The following ANKRD45 variants were observed in gnomAD, a reference collection of about 807,000 sequenced individuals.
ANKRD45 encodes ankyrin repeat domain-containing protein 45.
In ANKRD45, 21 loss-of-function variants were observed where a neutral mutation model predicts 28.1. The observed-to-expected ratio is 0.75, with a 90% CI of 0.53 to 1.08. The LOEUF is 1.08. Ranked by LOEUF, ANKRD45 falls within the 50% of genes least tolerant of loss-of-function variation. The probability of loss-of-function intolerance (pLI) is 0.00; values close to 1 mark genes in which losing one functional copy is unlikely to be tolerated. For missense variants in ANKRD45, 261 were observed against 308.7 expected (o/e 0.85, Z 1.16); for synonymous variants, 86 against 103.9 (o/e 0.83, Z 1.05).
Position 173,610,024 on chromosome 1 carries a change from G to A in ANKRD45, c.*121C>T, listed in dbSNP as rs908114862. ...TGAACAGGTCAAACAAAACAAGGGC[G>A]ATGTAATGTTGTACTTAAATACTTA... On this transcript the variant is annotated 3_prime_UTR_variant, in exon 6 of 6. Transcript: ENST00000333279. 8 of 1,001,958 alleles carry A rather than the reference G, an allele frequency of 8.0e-6. No homozygotes were observed. Among genetic ancestry groups the A allele is most frequent in the Admixed American group, 2.1e-5 (1 of 48,040 alleles). 62.1% of individuals were successfully genotyped at this position (1,001,958 alleles called of 1,614,324 possible).
At chr1:173,691,674 CT>C in the ANKRD45 span, among the ~76,000 whole-genome samples, 1 of 152,104 alleles carries the variant, frequency 6.6e-6, no homozygotes, top group African/African-American at 2.4e-5. Context: ...GTAGTCCCAG[CT>C]ACTTGGGAGG....
chr1:173,680,116 C>T, the ANKRD45 span, among the ~76,000 whole-genome samples: 480 of 152,142 alleles, frequency 3.2e-3, 17 homozygotes, highest in East Asian at 0.068. Context: ...TCAACCATTG[C>T]GGAAGACAGT....
At chr1:173,677,722 A>G in the ANKRD45 span, among the ~76,000 whole-genome samples, 1 of 152,352 alleles carries the variant, frequency 6.6e-6, no homozygotes, top group East Asian at 1.9e-4. Flanking sequence ...TTAGTGTTAC[A>G]AGTACTTTAA....
intron 5 of ANKRD45, among the ~76,000 whole-genome samples, chr1:173,622,639 C>T (rs1342551177): frequency 6.6e-6 from 1 of 152,082 alleles, no homozygotes; most frequent in South Asian, 2.1e-4. Flanking sequence ...TTCCTTACAC[C>T]TTATACAAAA....
chr1:173,627,902 A>G (rs1156257181), intron 3 of ANKRD45, among the ~76,000 whole-genome samples: 3 of 151,750 alleles, frequency 2.0e-5, no homozygotes, highest in Non-Finnish European at 4.4e-5. Context: ...GCAAAAGTGA[A>G]TAAGACTTTG....
At chr1:173,678,044 T>G in the ANKRD45 span, among the ~76,000 whole-genome samples, 1 of 152,140 alleles carries the variant, frequency 6.6e-6, no homozygotes, top group Non-Finnish European at 1.5e-5. Flanking sequence ...GAGAGCTTTA[T>G]TATTTCATAC....
At chr1:173,684,975 C>T in the ANKRD45 span, among the ~76,000 whole-genome samples, 4 of 152,254 alleles carry the variant, frequency 2.6e-5, no homozygotes, top group Admixed American at 2.0e-4. Flanking sequence ...TCTGGTATTC[C>T]CTGTGGGACT....
the ANKRD45 span, among the ~76,000 whole-genome samples, chr1:173,698,129 A>G: frequency 2.0e-5 from 3 of 152,220 alleles, no homozygotes; most frequent in Non-Finnish European, 4.4e-5. Flanking sequence ...CTATACATAT[A>G]TATCTGCACC....
intron 5 of ANKRD45, among the ~76,000 whole-genome samples, chr1:173,619,762 A>G (rs1444629733): frequency 2.0e-5 from 3 of 151,854 alleles, no homozygotes; most frequent in Admixed American, 1.3e-4. Flanking sequence ...CAGGAGACGA[A>G]GTTTGCAGTA....
At position 173,611,576 on chromosome 1, in the gene ANKRD45, T is replaced by TACAC. The variant is rs57884253; in HGVS notation, c.731-1365_731-1362dup. Among the ~76,000 whole-genome samples, 828 of 133,914 alleles carry TACAC rather than the reference T, an allele frequency of 6.2e-3. 4 individuals are homozygous for TACAC. The highest frequency in any genetic ancestry group is 0.012 in the South Asian group (47 of 4,072). The allele number at this position is 133,914 out of a possible 152,430, so 87.9% of individuals were successfully genotyped here. A position where few individuals can be genotyped will look rare whatever the true frequency, so the allele number is the denominator to read the frequency against. On this transcript the variant is annotated intron_variant, in intron 5 of 5. Coordinates refer to ENST00000333279, the MANE Select transcript of ANKRD45 (RefSeq NM_198493.3). ...GGACCCCTATGGCCTAATACATACA[T>TACAC]ACACACACACACACACACACACACA...
chr1:173,612,307 G>GGAAA (rs1394427012), intron 5 of ANKRD45, among the ~76,000 whole-genome samples: 15 of 126,262 alleles, frequency 1.2e-4, no homozygotes, highest in African/African-American at 2.6e-4. Flanking sequence ...AAGGAAAGAA[G>GGAAA]GAAGGAAGGA....
intron 3 of ANKRD45, among the ~76,000 whole-genome samples, chr1:173,637,837 G>A (rs777211296): frequency 5.3e-5 from 8 of 152,180 alleles, no homozygotes; most frequent in Non-Finnish European, 7.4e-5. Context: ...TTGGTGGCCC[G>A]TAGGGGATTA....
chr1:173,616,893 T>G (rs967607446), intron 5 of ANKRD45, among the ~76,000 whole-genome samples: 1 of 151,810 alleles, frequency 6.6e-6, no homozygotes, highest in Non-Finnish European at 1.5e-5. Context: ...AAAAGTAGAG[T>G]GGGGCAATGG....
At chr1:173,643,128 T>A (rs1330618115) in intron 3 of ANKRD45, among the ~76,000 whole-genome samples, 1 of 152,008 alleles carries the variant, frequency 6.6e-6, no homozygotes, top group Admixed American at 6.6e-5. Flanking sequence ...TTTCAATACA[T>A]CTCTGATAAA....
At chr1:173,682,005 G>T in the ANKRD45 span, among the ~76,000 whole-genome samples, 1 of 150,134 alleles carries the variant, frequency 6.7e-6, no homozygotes, top group African/African-American at 2.5e-5. Context: ...AGCCAAGATC[G>T]TACCACTGCA....
chr1:173,669,445 G>T, intron 1 of ANKRD45: 1 of 455,008 alleles, frequency 2.2e-6, no homozygotes, highest in Non-Finnish European at 4.4e-6. Flanking sequence ...AGCTCAAGGA[G>T]AAGGACCCCA....
At chr1:173,618,997 A>G (rs1383979828) in intron 5 of ANKRD45, among the ~76,000 whole-genome samples, 3 of 152,242 alleles carry the variant, frequency 2.0e-5, no homozygotes, top group Non-Finnish European at 4.4e-5. Context: ...ATTCTTAAAG[A>G]AAAGAATTTC....
intron 3 of ANKRD45, chr1:173,635,749 A>C (rs762024453): frequency 6.5e-7 from 1 of 1,535,380 alleles, no homozygotes; most frequent in Admixed American, 2.0e-5. Flanking sequence ...AGGGTTGTTT[A>C]TATCTCATTT....
the ANKRD45 span, among the ~76,000 whole-genome samples, chr1:173,705,480 C>T: frequency 6.7e-5 from 10 of 148,932 alleles, no homozygotes; most frequent in African/African-American, 9.9e-5. Flanking sequence ...CTGGGTACCA[C>T]GGTGAAACTC....
Sources: allele counts gnomAD v4.1 joint callset (sites outside exome capture counted in the v4.1 genomes callset), GRCh38; gene constraint gnomAD v4.1.1; transcripts MANE v1.5; gene names NCBI Gene and HGNC (gene_info 2026-07-23, HGNC 2026-07-21).